NFATC1: variants seen among roughly 807,000 people sequenced by gnomAD.
NFATC1 encodes the protein nuclear factor of activated T cells 1, also known as nuclear factor of activated T-cells, cytoplasmic 1.
In NFATC1, 22 loss-of-function variants were observed where a neutral mutation model predicts 76.0. The ratio of observed to expected loss-of-function variants is 0.29; its 90% CI spans 0.21 to 0.41. NFATC1 has a LOEUF of 0.41. Ranked by LOEUF, NFATC1 falls within the 10% of genes least tolerant of loss-of-function variation. The pLI is 1.00. For synonymous variants in NFATC1, 704 were observed against 613.1 expected, an observed-to-expected ratio of 1.15 and a Z score of -2.19; for missense variants, 1,357 against 1,337.7, an observed-to-expected ratio of 1.01 and a Z score of -0.23.
intron 4 of NFATC1, among the ~76,000 whole-genome samples, chr18:79,450,317 A>G (rs767124535): frequency 3.0e-4 from 45 of 152,152 alleles, no homozygotes; most frequent in Admixed American, 9.8e-4. Context: ...ATATGAAACC[A>G]TAGAAAAAAT....
intron 1 of NFATC1, among the ~76,000 whole-genome samples, chr18:79,397,627 TAGC>T (rs1410963041): frequency 2.0e-5 from 3 of 152,248 alleles, no homozygotes; most frequent in African/African-American, 7.2e-5. Flanking sequence ...CTCTTGCTAG[TAGC>T]AGAGTTTAAA....
chr18:79,405,003 G>C (rs564525150), intron 1 of NFATC1, among the ~76,000 whole-genome samples: 130 of 152,378 alleles, frequency 8.5e-4, no homozygotes, highest in South Asian at 3.7e-3. Context: ...GAGTGAGAGA[G>C]ATCGCTTTTA....
At chr18:79,443,833 G>C (rs930594671) in intron 3 of NFATC1, among the ~76,000 whole-genome samples, 2 of 152,196 alleles carry the variant, frequency 1.3e-5, no homozygotes, top group Non-Finnish European at 2.9e-5. Flanking sequence ...CGAGGTGCTG[G>C]TCCGCCCACC....
chr18:79,498,233 C>T (rs1025450349), intron 9 of NFATC1: 2 of 151,980 alleles, frequency 1.3e-5, no homozygotes, highest in African/African-American at 4.8e-5. Context: ...CCAGCAAAGG[C>T]TTTAAATCAG....
At chr18:79,474,778 G>T (rs1000475384) in intron 8 of NFATC1, among the ~76,000 whole-genome samples, 1 of 149,760 alleles carries the variant, frequency 6.7e-6, no homozygotes, top group Non-Finnish European at 1.5e-5. Flanking sequence ...CACTGTCGAC[G>T]TTGCGAGGGA....
At chr18:79,520,613 G>GTA (rs2090504377) in intron 9 of NFATC1, among the ~76,000 whole-genome samples, 1 of 91,678 alleles carries the variant, frequency 1.1e-5, no homozygotes, top group South Asian at 4.4e-4. Flanking sequence ...GTGTGTGTGT[G>GTA]GGGGGGGCAT....
chr18:79,455,286 A>C (rs1568983290), intron 6 of NFATC1, among the ~76,000 whole-genome samples: 1 of 152,210 alleles, frequency 6.6e-6, no homozygotes, highest in Non-Finnish European at 1.5e-5. Context: ...GCGATCGCGC[A>C]GCGGGCAGGG....
intron 7 of NFATC1, among the ~76,000 whole-genome samples, chr18:79,463,465 T>G (rs1035032049): frequency 6.7e-6 from 1 of 148,372 alleles, no homozygotes. Flanking sequence ...CATACCGGCC[T>G]CTCCTCCCCA....
chr18:79,423,767 G>A (rs1220673169), intron 2 of NFATC1, among the ~76,000 whole-genome samples: 1 of 152,182 alleles, frequency 6.6e-6, no homozygotes, highest in Non-Finnish European at 1.5e-5. Context: ...CATCTTTCCT[G>A]CTGGCTTGTG....
chr18:79,416,749 C>T (rs1399373383), intron 2 of NFATC1, among the ~76,000 whole-genome samples: 1 of 152,198 alleles, frequency 6.6e-6, no homozygotes, highest in Non-Finnish European at 1.5e-5. Flanking sequence ...GGAGGGAAGC[C>T]CCCCAACAAC....
chr18:79,474,720 A>G (rs149208230), intron 8 of NFATC1, among the ~76,000 whole-genome samples: 6,518 of 132,574 alleles, frequency 0.049, 487 homozygotes, highest in African/African-American at 0.18. Flanking sequence ...GCGTGTTCTC[A>G]CGCTCACTGT....
Position 79,486,418 on chromosome 18 carries a change from A to C in NFATC1, c.2263A>C (p.Ser755Arg), listed in dbSNP as rs755552285. 6.2e-7 allele frequency: 1 copy of C among 1,612,616 alleles called. No individual in the cohort carries two copies. Among genetic ancestry groups the C allele is most frequent in the Middle Eastern group, 1.6e-4 (1 of 6,062 alleles). Reference sequence around the variant, plus strand: ...CGGCTTCCCGCCCTGTCCGCAGAGAAGCACCCTGATGCCAGCGGCCCCTGG... The same window carrying C: ...CGGCTTCCCGCCCTGTCCGCAGAGACGCACCCTGATGCCAGCGGCCCCTGG... ...VAGFPPCPQR[S>R]TLMPAAPGVS... The change falls in exon 9 of 10, where the codon AGC (serine) becomes CGC (arginine). Residue 755 changes from serine (S) to arginine (R), a missense_variant. Ser to Arg is a moderately radical substitution (Grantham distance 110). Coordinates refer to ENST00000427363, the MANE Select transcript of NFATC1 (RefSeq NM_001278669.2).
Position 79,467,595 on chromosome 18 carries a change from T to G in NFATC1, c.2092+13T>G. On this transcript the variant is annotated intron_variant, in intron 8 of 9. Transcript: ENST00000427363. ...CTTCCCGCCAACGGTAACGCCATCTTTCTAACCGTAAGCCGTGAACATGAG... is the reference window on the plus strand; with the variant it reads ...CTTCCCGCCAACGGTAACGCCATCTGTCTAACCGTAAGCCGTGAACATGAG... 2 of 1,613,802 alleles carry G rather than the reference T, an allele frequency of 1.2e-6. No homozygotes were observed. Among genetic ancestry groups the G allele is most frequent in the East Asian group, 4.5e-5 (2 of 44,870 alleles).
At chr18:79,415,356 C>T (rs2085841401) in intron 2 of NFATC1, among the ~76,000 whole-genome samples, 1 of 152,198 alleles carries the variant, frequency 6.6e-6, no homozygotes, top group Non-Finnish European at 1.5e-5. Flanking sequence ...AATCTCGGCT[C>T]ACTGCAAGCT....
rs370896779 is a variant in NFATC1 at position 79,486,985 on chromosome 18, C to T, written c.2782+48C>T. 5.9e-4 allele frequency: 909 copies of T among 1,533,870 alleles called. 13 individuals carry two copies. In the South Asian group the frequency reaches 0.01, roughly 17 times the overall value. On this transcript the variant is annotated intron_variant, in intron 9 of 9. Transcript: ENST00000427363. ...GTGTGTGCCCCGCCTGGCGCCATGG[C>T]GTGAGCTCATGGAGGGGCCGTGTGC...
intron 3 of NFATC1, among the ~76,000 whole-genome samples, chr18:79,446,362 G>A (rs567057846): frequency 5.8e-4 from 89 of 152,284 alleles, no homozygotes; most frequent in Non-Finnish European, 9.8e-4. Flanking sequence ...TTAAGACCAC[G>A]TGACCCTGGA....
chr18:79,515,135 G>A (rs908264545), intron 9 of NFATC1, among the ~76,000 whole-genome samples: 3 of 151,838 alleles, frequency 2.0e-5, no homozygotes, highest in African/African-American at 4.8e-5. Flanking sequence ...ACTGTAGCTC[G>A]GGAGTTTGAG....
At chr18:79,476,638 G>A (rs998525352) in intron 8 of NFATC1, among the ~76,000 whole-genome samples, 28 of 152,180 alleles carry the variant, frequency 1.8e-4, no homozygotes, top group African/African-American at 5.6e-4. Flanking sequence ...GCCCCCCACC[G>A]ATGTTGCTCG....
At chr18:79,441,687 G>A (rs993931738) in intron 3 of NFATC1, among the ~76,000 whole-genome samples, 2 of 152,092 alleles carry the variant, frequency 1.3e-5, no homozygotes, top group Non-Finnish European at 2.9e-5. Context: ...CAGGCGACGC[G>A]ACTCTCAGTG....
Sources: gnomAD v4.1 joint callset for allele counts (sites outside exome capture counted in the v4.1 genomes callset) on GRCh38, gnomAD v4.1.1 for gene constraint, MANE v1.5 for transcripts, NCBI Gene and HGNC (gene_info 2026-07-23, HGNC 2026-07-21) for gene names.